Variants in DLG2 observed in about 807,000 individuals in gnomAD.
The protein encoded by DLG2 is disks large homolog 2.
In DLG2, 45 loss-of-function variants were observed where a neutral mutation model predicts 132.5. That is an observed-to-expected ratio of 0.34 (90% CI 0.27 to 0.44). The LOEUF is 0.44. DLG2 is among the 20% of genes least tolerant of loss of function. The probability of loss-of-function intolerance (pLI) is 1.00; values close to 1 mark genes in which losing one functional copy is unlikely to be tolerated. For synonymous variants in DLG2, 424 were observed against 419.6 expected (o/e 1.01, Z -0.13); for missense variants, 1,045 against 1,196.9 (o/e 0.87, Z 1.87).
chr11:84,131,992 C>T (rs1012712378), intron 9 of DLG2, among the ~76,000 whole-genome samples: 2 of 151,700 alleles, frequency 1.3e-5, no homozygotes, highest in East Asian at 3.9e-4. Flanking sequence ...CACGTACACA[C>T]ACAAATAAAC....
chr11:84,691,801 G>A (rs570082533), intron 6 of DLG2, among the ~76,000 whole-genome samples: 1 of 151,614 alleles, frequency 6.6e-6, no homozygotes. Flanking sequence ...GATTGAAATA[G>A]TTACCATTTT....
chr11:83,992,152 T>G (rs2154183602), intron 11 of DLG2, among the ~76,000 whole-genome samples: 1 of 152,296 alleles, frequency 6.6e-6, no homozygotes. Context: ...CCAGCCTTTC[T>G]TCCTCTATTT....
intron 3 of DLG2, among the ~76,000 whole-genome samples, chr11:85,357,724 ATATATATATATATATATATATATATATAT>A: frequency 4.5e-4 from 1 of 2,238 alleles, no homozygotes; most frequent in African/African-American, 1.7e-3. Context: ...ATATATATAT[ATATATATATATATATATATATATATATAT>A]ATATATATTT....
chr11:84,787,639 G>A (rs1156952359), intron 6 of DLG2, among the ~76,000 whole-genome samples: 2 of 152,122 alleles, frequency 1.3e-5, no homozygotes, highest in Non-Finnish European at 2.9e-5. Context: ...TGAGCCTTGT[G>A]TCTAAAGAAT....
chr11:85,513,539 C>G (rs2094118421), intron 3 of DLG2, among the ~76,000 whole-genome samples: 1 of 151,846 alleles, frequency 6.6e-6, no homozygotes, highest in South Asian at 2.1e-4. Context: ...TTTTGGGGTT[C>G]TTTTTATGTA....
chr11:84,744,641 C>G lies in DLG2; in HGVS notation c.358-209910G>C, dbSNP rs537772805. ...AAAATGAAAAATGCAGAAGCAAAGT[C>G]AAATTCCCACCTGAGGTAATGTTTG... On this transcript the variant is annotated intron_variant, in intron 6 of 27. Transcript: ENST00000376104. 1.1e-3 allele frequency among the ~76,000 whole-genome samples: 167 copies of G among 152,180 alleles called. 1 individual carries two copies. The highest frequency in any genetic ancestry group is 3.4e-3 in the Middle Eastern group (1 of 294).
At chr11:83,659,691 C>G (rs899868920) in intron 18 of DLG2, among the ~76,000 whole-genome samples, 1 of 152,230 alleles carries the variant, frequency 6.6e-6, no homozygotes, top group Non-Finnish European at 1.5e-5. Flanking sequence ...AAGTAAGCAG[C>G]TGAGCTGGGA....
intron 9 of DLG2, among the ~76,000 whole-genome samples, chr11:84,132,530 T>C (rs923099887): frequency 2.0e-5 from 3 of 151,970 alleles, no homozygotes; most frequent in African/African-American, 7.2e-5. Flanking sequence ...AAAAACTCTG[T>C]CACTGAATAC....
At chr11:85,189,824 G>T (rs531856541) in intron 4 of DLG2, among the ~76,000 whole-genome samples, 3 of 152,018 alleles carry the variant, frequency 2.0e-5, no homozygotes, top group East Asian at 1.9e-4. Context: ...TAGAGACAGG[G>T]TCTCATTCTC....
Position 83,455,946 on chromosome 11 carries a change from G to A in DLG2, c.*3872C>T, listed in dbSNP as rs1220920005. 1 of 152,524 alleles carries A rather than the reference G, an allele frequency of 6.6e-6. No individual in the cohort carries two copies. The highest frequency in any genetic ancestry group is 1.9e-4 in the East Asian group (1 of 5,198). 9.4% of individuals were successfully genotyped at this position (152,524 alleles called of 1,614,324 possible). Reference sequence around the variant, plus strand: ...TAGGAATTTAGGCAGGACCAAGACAGGAAAGAAGAGATTTCATTTCACCAG... The same window carrying A: ...TAGGAATTTAGGCAGGACCAAGACAAGAAAGAAGAGATTTCATTTCACCAG... On this transcript the variant is annotated 3_prime_UTR_variant, in exon 28 of 28. Coordinates refer to ENST00000376104, the MANE Select transcript of DLG2 (RefSeq NM_001142699.3).
At chr11:85,543,692 G>C (rs1365612752) in intron 3 of DLG2, among the ~76,000 whole-genome samples, 3 of 152,188 alleles carry the variant, frequency 2.0e-5, no homozygotes, top group African/African-American at 7.2e-5. Context: ...ACTGTCGTGA[G>C]ATGGTATCTC....
chr11:85,033,921 TGCAGTG>T (rs1312837149), intron 6 of DLG2, among the ~76,000 whole-genome samples: 1 of 152,140 alleles, frequency 6.6e-6, no homozygotes, highest in East Asian at 1.9e-4. Context: ...TAAAACTTTT[TGCAGTG>T]GCGTACAATT....
intron 19 of DLG2, among the ~76,000 whole-genome samples, chr11:83,584,804 G>C (rs1565915355): frequency 1.3e-5 from 2 of 152,172 alleles, no homozygotes; most frequent in Admixed American, 6.5e-5. Context: ...GCAGATTGTA[G>C]TGTCAAAATC....
chr11:84,770,877 G>T (rs1423313321), intron 6 of DLG2, among the ~76,000 whole-genome samples: 1 of 151,286 alleles, frequency 6.6e-6, no homozygotes, highest in East Asian at 2.0e-4. Context: ...TCAATCTCCT[G>T]ACCCTCGTGA....
At chr11:84,617,876 G>C (rs1387318751) in intron 6 of DLG2, among the ~76,000 whole-genome samples, 2 of 152,030 alleles carry the variant, frequency 1.3e-5, no homozygotes, top group Non-Finnish European at 2.9e-5. Flanking sequence ...AGCAGCCTTT[G>C]CCCTAAGAGT....
At chr11:84,732,118 A>T (rs1186466200) in intron 6 of DLG2, among the ~76,000 whole-genome samples, 10 of 152,036 alleles carry the variant, frequency 6.6e-5, no homozygotes, top group African/African-American at 2.4e-4. Flanking sequence ...CCAATAGTTT[A>T]CTTCTTTTCT....
chr11:85,129,787 C>T (rs921003634), intron 5 of DLG2, among the ~76,000 whole-genome samples: 1 of 152,116 alleles, frequency 6.6e-6, no homozygotes, highest in Non-Finnish European at 1.5e-5. Context: ...TTCACAATCG[C>T]AAAGACTTGG....
At chr11:85,320,408 T>C (rs2080979822) in intron 3 of DLG2, among the ~76,000 whole-genome samples, 1 of 151,762 alleles carries the variant, frequency 6.6e-6, no homozygotes, top group Non-Finnish European at 1.5e-5. Flanking sequence ...TATTATGCAG[T>C]CTCTTAATCA....
chr11:84,860,032 C>T (rs2083404991), intron 6 of DLG2, among the ~76,000 whole-genome samples: 1 of 152,092 alleles, frequency 6.6e-6, no homozygotes, highest in South Asian at 2.1e-4. Flanking sequence ...GGCTGGTAGC[C>T]CTTCAGCAGC....
Sources: gnomAD v4.1 joint callset for allele counts (sites outside exome capture counted in the v4.1 genomes callset) on GRCh38, gnomAD v4.1.1 for gene constraint, MANE v1.5 for transcripts, NCBI Gene and HGNC (gene_info 2026-07-23, HGNC 2026-07-21) for gene names.